PRIM2: variants seen among roughly 807,000 people sequenced by gnomAD.
PRIM2 encodes DNA primase large subunit.
A neutral mutation model predicts 67.3 loss-of-function variants in PRIM2; 39 were observed. That is an observed-to-expected ratio of 0.58 (90% CI 0.45 to 0.76). The LOEUF is 0.76. Among genes scored for constraint, PRIM2 ranks in the 30% least tolerant of loss-of-function variants. The probability of loss-of-function intolerance (pLI) is 0.00; values close to 1 mark genes in which losing one functional copy is unlikely to be tolerated. For missense variants in PRIM2, 398 were observed against 598.7 expected (o/e 0.66, Z 3.50); for synonymous variants, 143 against 198.7 (o/e 0.72, Z 2.36).
chr6:57,454,886 A>C (rs201378637), intron 7 of PRIM2, among the ~76,000 whole-genome samples: 10 of 151,890 alleles, frequency 6.6e-5, no homozygotes, highest in East Asian at 1.9e-4. Context: ...TTAGGGTGTC[A>C]ATTTTAGATC....
At position 57,386,417 on chromosome 6, in the gene PRIM2, CAAAAAAAAA is replaced by C. The variant is rs71299586; in HGVS notation, c.693+4263_693+4271del. Among the ~76,000 whole-genome samples, 253 of 53,978 alleles carry C rather than the reference CAAAAAAAAA, an allele frequency of 4.7e-3. 3 individuals carry two copies. The highest frequency in any genetic ancestry group is 0.012 in the African/African-American group (236 of 20,342). 35.4% of individuals were successfully genotyped at this position (53,978 alleles called of 152,430 possible). On this transcript the variant is annotated intron_variant, in intron 7 of 13. Coordinates refer to ENST00000615550, the MANE Select transcript of PRIM2 (RefSeq NM_000947.5). ...TGGGCGACAGAGTGATACCCTGTCT[CAAAAAAAAA>C]AAAAAAAAAAAAAGAACGAAAGAAA...
chr6:57,333,062 A>G (rs1210882155), intron 5 of PRIM2, among the ~76,000 whole-genome samples: 1 of 152,070 alleles, frequency 6.6e-6, no homozygotes, highest in Non-Finnish European at 1.5e-5. Flanking sequence ...TTCCCTTAGA[A>G]TTACAATTAT....
intron 5 of PRIM2, among the ~76,000 whole-genome samples, chr6:57,373,475 A>G (rs1221388058): frequency 2.0e-5 from 3 of 151,864 alleles, no homozygotes; most frequent in Non-Finnish European, 4.4e-5. Flanking sequence ...CCATGTGTCA[A>G]TTTTTGCTTT....
chr6:57,459,921 A>G (rs2127396201), intron 7 of PRIM2, among the ~76,000 whole-genome samples: 1 of 152,304 alleles, frequency 6.6e-6, no homozygotes, highest in Non-Finnish European at 1.5e-5. Flanking sequence ...ATAAAAATTA[A>G]GCACCCCTAG....
intron 9 of PRIM2, among the ~76,000 whole-genome samples, 155 bp from the exon 10 acceptor site, chr6:57,537,285 A>G (rs1350173624): frequency 1.3e-5 from 2 of 152,168 alleles, no homozygotes; most frequent in African/African-American, 2.4e-5. Context: ...TCTTATACAG[A>G]TAAGAGTCAT....
At chr6:57,614,156 A>G (rs1439597068) in intron 12 of PRIM2, among the ~76,000 whole-genome samples, 1 of 152,194 alleles carries the variant, frequency 6.6e-6, no homozygotes, top group Non-Finnish European at 1.5e-5. Context: ...TGGCCATGTT[A>G]GATTCTCATA....
chr6:57,592,921 T>C (rs1364469270), intron 10 of PRIM2, among the ~76,000 whole-genome samples: 1 of 152,208 alleles, frequency 6.6e-6, no homozygotes, highest in Non-Finnish European at 1.5e-5. Context: ...AGTGTTTGAA[T>C]AGATTTGGGC....
chr6:57,392,214 A>G (rs1770376413), intron 7 of PRIM2, among the ~76,000 whole-genome samples: 1 of 152,004 alleles, frequency 6.6e-6, no homozygotes. Flanking sequence ...GATTTCGTTC[A>G]TTGATTTTGT....
intron 7 of PRIM2, among the ~76,000 whole-genome samples, chr6:57,438,213 CTTT>C (rs1422542393): frequency 6.6e-6 from 1 of 152,008 alleles, no homozygotes; most frequent in Non-Finnish European, 1.5e-5. Flanking sequence ...GTAAAATTCA[CTTT>C]TTAATATTGT....
intron 12 of PRIM2, among the ~76,000 whole-genome samples, chr6:57,622,695 A>G (rs1365327124): frequency 2.0e-5 from 3 of 152,178 alleles, no homozygotes; most frequent in Admixed American, 2.0e-4. Flanking sequence ...TGGTGCTTCT[A>G]AGAAACTTAA....
intron 13 of PRIM2, among the ~76,000 whole-genome samples, chr6:57,640,589 C>T (rs1377687360): frequency 8.6e-5 from 13 of 151,064 alleles, no homozygotes; most frequent in Non-Finnish European, 1.9e-4. Context: ...CTATACACCA[C>T]TAATAGAGAA....
intron 8 of PRIM2, among the ~76,000 whole-genome samples, chr6:57,521,369 T>G (rs1774616680): frequency 4.6e-5 from 3 of 65,624 alleles, no homozygotes; most frequent in African/African-American, 1.2e-4. Flanking sequence ...TGGTTAGGGT[T>G]TTTTTTTTTT....
chr6:57,392,824 T>A (rs990471007), intron 7 of PRIM2, among the ~76,000 whole-genome samples: 1 of 152,104 alleles, frequency 6.6e-6, no homozygotes. Context: ...TTATTTTTTG[T>A]CCATTGTATC....
chr6:57,323,303 A>G (rs1165948971), intron 3 of PRIM2, among the ~76,000 whole-genome samples: 1 of 152,182 alleles, frequency 6.6e-6, no homozygotes, highest in African/African-American at 2.4e-5. Flanking sequence ...ATAGGACTGC[A>G]GAGTGTAGTT....
intron 10 of PRIM2, among the ~76,000 whole-genome samples, chr6:57,583,128 T>TA: frequency 6.6e-6 from 1 of 151,428 alleles, no homozygotes; most frequent in Middle Eastern, 3.4e-3. Flanking sequence ...CATCATTTTT[T>TA]ATGGCTGCAT....
intron 13 of PRIM2, among the ~76,000 whole-genome samples, chr6:57,632,431 C>A (rs1365182183): frequency 3.9e-5 from 6 of 152,180 alleles, no homozygotes; most frequent in Non-Finnish European, 2.9e-5. Context: ...ATGAGAAAAT[C>A]TTTACTACAG....
chr6:57,578,972 G>C (rs1166824004), intron 10 of PRIM2, among the ~76,000 whole-genome samples: 1 of 151,890 alleles, frequency 6.6e-6, no homozygotes, highest in African/African-American at 2.4e-5. Context: ...CACCGCGCCC[G>C]GCCCACCTCC....
At chr6:57,566,007 A>G (rs1211748530) in intron 10 of PRIM2, among the ~76,000 whole-genome samples, 2 of 152,198 alleles carry the variant, frequency 1.3e-5, no homozygotes, top group East Asian at 1.9e-4. Context: ...GTTGTCTCAT[A>G]AATCTTTTAG....
At chr6:57,393,277 G>T (rs981773994) in intron 7 of PRIM2, among the ~76,000 whole-genome samples, 1 of 152,134 alleles carries the variant, frequency 6.6e-6, no homozygotes, top group African/African-American at 2.4e-5. Flanking sequence ...CCCATCAGCA[G>T]TGTAGAAATG....
Sources: gnomAD v4.1 joint callset for allele counts (sites outside exome capture counted in the v4.1 genomes callset) on GRCh38, gnomAD v4.1.1 for gene constraint, MANE v1.5 for transcripts, NCBI Gene and HGNC (gene_info 2026-07-23, HGNC 2026-07-21) for gene names.